The following IRAK1BP1 variants were observed in gnomAD, a reference collection of about 807,000 sequenced individuals.
IRAK1BP1 encodes the protein interleukin 1 receptor associated kinase 1 binding protein 1, also known as interleukin-1 receptor-associated kinase 1-binding protein 1.
IRAK1BP1 carries 24 observed loss-of-function variants against 28.0 expected under a neutral mutation model. The ratio of observed to expected loss-of-function variants is 0.86; its 90% CI spans 0.62 to 1.20. IRAK1BP1 has a LOEUF of 1.20. IRAK1BP1 is among the 50% of genes most tolerant of loss of function. The probability of loss-of-function intolerance (pLI) is 0.00; values close to 1 mark genes in which losing one functional copy is unlikely to be tolerated. For missense variants in IRAK1BP1, 336 were observed against 316.7 expected (o/e 1.06, Z -0.46); for synonymous variants, 131 against 116.3 (o/e 1.13, Z -0.81).
At chr6:78,890,016 A>C (rs1771580266) in intron 2 of IRAK1BP1, among the ~76,000 whole-genome samples, 1 of 152,192 alleles carries the variant, frequency 6.6e-6, no homozygotes, top group South Asian at 2.1e-4. Flanking sequence ...ACTTGGAACC[A>C]ACCCAAATGC....
At chr6:78,962,109 T>C in the IRAK1BP1 span, among the ~76,000 whole-genome samples, 2 of 152,190 alleles carry the variant, frequency 1.3e-5, no homozygotes, top group Non-Finnish European at 2.9e-5. Flanking sequence ...TAATTGACAG[T>C]TGGCCATTCC....
rs530110976 is a variant in IRAK1BP1 at position 78,877,352 on chromosome 6, T to C, written c.316-8026T>C. Among the ~76,000 whole-genome samples the C allele has an allele frequency of 1.0e-3, 158 of 152,340 alleles. 1 individual carries two copies. Among genetic ancestry groups the C allele is most frequent in the Non-Finnish European group, 1.9e-3 (131 of 68,030 alleles). ...TGCTTAGACCTTCTCCATCTGATTG[T>C]CAACAGGCAATTTTTATTTCTCCAT... On this transcript the variant is annotated intron_variant, in intron 1 of 3. Coordinates refer to ENST00000369940, the MANE Select transcript of IRAK1BP1 (RefSeq NM_001010844.4).
chr6:78,943,282 AATAG>A (rs1173343420), intron 4 of IRAK1BP1, among the ~76,000 whole-genome samples: 2 of 152,188 alleles, frequency 1.3e-5, no homozygotes, highest in African/African-American at 4.8e-5. Context: ...AATGTTAACT[AATAG>A]ATAATGATAT....
At chr6:78,941,438 C>A in intron 4 of IRAK1BP1, 2 of 618,022 alleles carry the variant, frequency 3.2e-6, no homozygotes, top group Non-Finnish European at 2.7e-6. Flanking sequence ...TGACATAATC[C>A]AAATTATTTT....
At chr6:78,908,284 C>T (rs979308419) in intron 4 of IRAK1BP1, among the ~76,000 whole-genome samples, 3 of 152,040 alleles carry the variant, frequency 2.0e-5, no homozygotes, top group African/African-American at 4.8e-5. Flanking sequence ...AACTCCTAAC[C>T]TCGTGATCCA....
intron 2 of IRAK1BP1, among the ~76,000 whole-genome samples, chr6:78,894,031 A>C (rs996544266): frequency 1.3e-5 from 2 of 152,226 alleles, no homozygotes; most frequent in African/African-American, 4.8e-5. Flanking sequence ...ACAGTGTTAT[A>C]AACTTCTTAT....
chr6:78,943,553 C>T (rs1005856980), intron 4 of IRAK1BP1, among the ~76,000 whole-genome samples: 11 of 152,146 alleles, frequency 7.2e-5, no homozygotes, highest in African/African-American at 2.7e-4. Flanking sequence ...CACTTATTAT[C>T]TTCTGTATAA....
downstream of IRAK1BP1, chr6:78,946,968 A>C: frequency 1.5e-6 from 1 of 674,644 alleles, no homozygotes; most frequent in Non-Finnish European, 2.4e-6. Flanking sequence ...CCAGTAAAAA[A>C]TATTTAGAAT....
At chr6:78,972,104 A>T in the IRAK1BP1 span, among the ~76,000 whole-genome samples, 1 of 152,206 alleles carries the variant, frequency 6.6e-6, no homozygotes, top group East Asian at 1.9e-4. Flanking sequence ...GACAGCAGTA[A>T]CCTCTGCAGA....
intron 2 of IRAK1BP1, among the ~76,000 whole-genome samples, chr6:78,896,787 T>C (rs1246040521): frequency 6.7e-6 from 1 of 149,118 alleles, no homozygotes; most frequent in Non-Finnish European, 1.5e-5. Context: ...ATCACACCAC[T>C]GCACTCCAGC....
At chr6:78,869,076 G>C (rs979545266) in intron 1 of IRAK1BP1, among the ~76,000 whole-genome samples, 6 of 152,208 alleles carry the variant, frequency 3.9e-5, no homozygotes, top group Non-Finnish European at 5.9e-5. Flanking sequence ...GAAAAATACA[G>C]ATAATTATAA....
the IRAK1BP1 span, chr6:78,970,280 T>C: frequency 1.2e-6 from 1 of 856,934 alleles, no homozygotes; most frequent in South Asian, 1.7e-5. Context: ...TTGATCTGGA[T>C]GGTGATGACT....
the IRAK1BP1 span, among the ~76,000 whole-genome samples, chr6:78,962,790 A>G: frequency 6.6e-6 from 1 of 152,162 alleles, no homozygotes; most frequent in Non-Finnish European, 1.5e-5. Context: ...TCCAATTCAT[A>G]TCATGTCAGC....
exon 5 of IRAK1BP1, chr6:78,945,703 T>C: frequency 3.3e-6 from 2 of 604,314 alleles, no homozygotes; most frequent in South Asian, 4.4e-5. Context: ...AGCTGTCCCA[T>C]CATTTCAAAA....
the IRAK1BP1 span, among the ~76,000 whole-genome samples, chr6:78,972,555 A>C: frequency 6.6e-6 from 1 of 152,236 alleles, no homozygotes; most frequent in Non-Finnish European, 1.5e-5. Context: ...TGAGAGAAGA[A>C]GGCTTCAGAC....
At chr6:78,941,000 A>G in intron 4 of IRAK1BP1, 2 of 1,613,976 alleles carry the variant, frequency 1.2e-6, no homozygotes, top group South Asian at 1.1e-5. Flanking sequence ...TTGTGTCTTC[A>G]TCTTCCTTTT....
At position 78,945,445 on chromosome 6, in the gene IRAK1BP1, A is replaced by C; in HGVS notation, c.*105A>C. ...TGCCATGACTAAAACTGGATTGACCAGGACTGGAAAGAGTATTCAAAGCTT... is the reference window on the plus strand; with the variant it reads ...TGCCATGACTAAAACTGGATTGACCCGGACTGGAAAGAGTATTCAAAGCTT... On this transcript the variant is annotated 3_prime_UTR_variant and NMD_transcript_variant, in exon 5 of 5. Transcript: ENST00000606868. 1.9e-6 allele frequency: 3 copies of C among 1,611,316 alleles called. No individual in the cohort carries two copies. The South Asian group carries it at 3.3e-5, about 18-fold the overall frequency.
chr6:78,896,055 TA>T (rs1771870963), intron 2 of IRAK1BP1, among the ~76,000 whole-genome samples: 1 of 152,172 alleles, frequency 6.6e-6, no homozygotes, highest in Non-Finnish European at 1.5e-5. Flanking sequence ...ACCTGTGTGC[TA>T]AACACTGCAA....
In IRAK1BP1 at chr6:78,871,328, G is replaced by T. The variant is rs1245466775; in HGVS notation, c.315+3437G>T. ...GTTCTAGTGCAAGAGAGGACTAGGA[G>T]TAAATGCTGAAGGGAGTGTTTAACC... On this transcript the variant is annotated intron_variant, in intron 1 of 3. Coordinates refer to ENST00000369940, the MANE Select transcript of IRAK1BP1 (RefSeq NM_001010844.4). 3.0e-6 allele frequency: 3 copies of T among 984,884 alleles called. No homozygotes were observed. In the African/African-American group the frequency reaches 5.2e-5, roughly 17 times the overall value. 61.0% of individuals were successfully genotyped at this position (984,884 alleles called of 1,614,324 possible).
Sources: gnomAD v4.1 joint callset for allele counts (sites outside exome capture counted in the v4.1 genomes callset) on GRCh38, gnomAD v4.1.1 for gene constraint, MANE v1.5 for transcripts, NCBI Gene and HGNC (gene_info 2026-07-23, HGNC 2026-07-21) for gene names.